Variants in TOP3B observed in about 807,000 individuals in gnomAD.
The protein encoded by TOP3B is DNA topoisomerase III beta.
A neutral mutation model predicts 93.9 loss-of-function variants in TOP3B; 45 were observed. The ratio of observed to expected loss-of-function variants is 0.48; its 90% CI spans 0.38 to 0.61. The LOEUF is 0.61. Ranked by LOEUF, TOP3B falls within the 20% of genes least tolerant of loss-of-function variation. The pLI is 0.00. For missense variants in TOP3B, 750 were observed against 1,156.1 expected, an observed-to-expected ratio of 0.65 and a Z score of 5.09; for synonymous variants, 357 against 472.6, an observed-to-expected ratio of 0.76 and a Z score of 3.17.
At chr22:21,966,351 T>C (rs933080694) in intron 8 of TOP3B, 2 of 152,144 alleles carry the variant, frequency 1.3e-5, no homozygotes, top group Non-Finnish European at 2.9e-5. Flanking sequence ...TCAGAAGGGC[T>C]GCAGATGGAA....
chr22:21,975,647 GA>G lies in TOP3B; in HGVS notation c.62del (p.Leu21ProfsTer12). On this transcript the variant is annotated frameshift_variant, in exon 2 of 18. Transcript: ENST00000357179. LOFTEE classifies it high-confidence loss of function. ...PSLAQSIAKILSRGSLSSHKG... is the reference protein window; with the variant it reads ...PSLAQSIAKIXSRGSLSSHKG... ...AGGGCTGGTCTCTCCTACCTCTAGA[GA>G]GGATTTTGGCAATTGACTGTGCCAA... 1.2e-6 allele frequency: 2 copies of G among 1,611,574 alleles called. No homozygotes were observed. Among genetic ancestry groups the G allele is most frequent in the Non-Finnish European group, 1.7e-6 (2 of 1,178,258 alleles).
intron 14 of TOP3B, 159 bp from the exon 15 acceptor site, chr22:21,959,895 G>A: frequency 9.8e-7 from 1 of 1,019,374 alleles, no homozygotes; most frequent in Non-Finnish European, 1.4e-6. Context: ...GATGGTACCA[G>A]GCTGGCTCTT....
At position 21,960,476 on chromosome 22, in the gene TOP3B, C is replaced by T. The variant is rs770428131; in HGVS notation, c.1526-27G>A. ...TGCAATGTACAAGGCCCCAGGGTTC[C>T]TGGCCTGCCTTGGACATGCCCCACT... On this transcript the variant is annotated intron_variant, in intron 13 of 17. Coordinates refer to ENST00000357179, the MANE Select transcript of TOP3B (RefSeq NM_001282112.2). 5.0e-6 allele frequency: 8 copies of T among 1,612,176 alleles called. No homozygotes were observed. The South Asian group carries it at 7.7e-5, about 15-fold the overall frequency.
At position 21,960,416 on chromosome 22, in the gene TOP3B, T is replaced by A. The variant is rs1409920905; in HGVS notation, c.1559A>T (p.Asn520Ile). Residue 520 changes from asparagine to isoleucine, a missense_variant, in exon 14 of 18, where the codon AAC becomes ATC. Around this residue, in one of 4 missense-constraint regions of TOP3B, gnomAD observed 737 missense variants for 933.7 expected, o/e 0.79. Coordinates refer to ENST00000357179, the MANE Select transcript of TOP3B (RefSeq NM_001282112.2). ...TDASIPVHIN[N>I]ICQRNYVTVE... ...CGTGACATAGTTGCGCTGGCAGATG[T>A]TGTTGATATGCACAGGGATGCTGGC... 4 of 1,613,678 alleles carry A rather than the reference T, an allele frequency of 2.5e-6. No homozygotes were observed. Among genetic ancestry groups the A allele is most frequent in the Non-Finnish European group, 3.4e-6 (4 of 1,179,982 alleles).
chr22:21,957,905 C>T (rs778112396), intron 17 of TOP3B: 2 of 1,468,864 alleles, frequency 1.4e-6, no homozygotes, highest in South Asian at 2.4e-5. Flanking sequence ...ACCCTCATGT[C>T]ACTGGGCCAC....
intron 8 of TOP3B, chr22:21,967,185 T>C (rs188011011): frequency 5.6e-5 from 10 of 178,926 alleles, no homozygotes; most frequent in Non-Finnish European, 1.1e-4. Context: ...CTGATTGCAA[T>C]TGGAATCTCA....
Position 21,965,353 on chromosome 22 carries a change from T to C in TOP3B, c.875A>G (p.Glu292Gly). 1 of 1,606,396 alleles carries C rather than the reference T, an allele frequency of 6.2e-7. No individual in the cohort carries two copies. The highest frequency in any genetic ancestry group is 1.3e-5 in the African/African-American group (1 of 74,696). Residue 292 changes from glutamate to glycine, a missense_variant, in exon 9 of 18, where the codon GAA becomes GGA. Glu to Gly is a moderately conservative substitution (Grantham distance 98, BLOSUM62 -2). Around this residue, in one of 4 missense-constraint regions of TOP3B, gnomAD observed 737 missense variants for 933.7 expected, o/e 0.79. Coordinates refer to ENST00000357179, the MANE Select transcript of TOP3B (RefSeq NM_001282112.2). ...GGCCAGGGGCCTCTGCTTGGCCTTT[T>C]CTTTCCTGCTTGTGGCCTCCACCTG... ...EAQVEATSRK[E>G]KAKQRPLALN...
At chr22:21,975,551 C>T (rs1332350249) in intron 2 of TOP3B, 89 bp downstream of exon 2, 3 of 1,416,160 alleles carry the variant, frequency 2.1e-6, no homozygotes, top group Non-Finnish European at 2.8e-6. Flanking sequence ...AAATCTACCC[C>T]AGCCAGGGTG....
At chr22:21,959,360 C>T (rs565548020) in intron 15 of TOP3B, 128 bp from the exon 16 acceptor site, 38 of 1,508,906 alleles carry the variant, frequency 2.5e-5, no homozygotes, top group African/African-American at 9.6e-5. Context: ...CCTGGCAGCA[C>T]GGCAGGGCAG....
chr22:21,958,047 G>T, intron 17 of TOP3B: 1 of 1,303,984 alleles, frequency 7.7e-7, no homozygotes, highest in Non-Finnish European at 1.0e-6. Flanking sequence ...GTGGGCAGAT[G>T]CCTCACTCCC....
Position 21,974,343 on chromosome 22 carries a change from G to A in TOP3B, c.202+14C>T. The A allele has an allele frequency of 1.9e-6, 3 of 1,612,202 alleles. No homozygotes were observed. The highest frequency in any genetic ancestry group is 2.7e-5 in the African/African-American group (2 of 75,054). Reference sequence around the variant, plus strand: ...AGAACTCCCTTCAGTAGGATGGAGGGTAGAGGGGCTTACCCAGGAAATCCA... The same window carrying A: ...AGAACTCCCTTCAGTAGGATGGAGGATAGAGGGGCTTACCCAGGAAATCCA... On this transcript the variant is annotated intron_variant, in intron 3 of 17. Coordinates refer to ENST00000357179, the MANE Select transcript of TOP3B (RefSeq NM_001282112.2).
chr22:21,964,660 G>A (rs1299575013), intron 9 of TOP3B: 11 of 341,572 alleles, frequency 3.2e-5, no homozygotes, highest in African/African-American at 1.7e-4. Context: ...ATTGTCCATG[G>A]AGCCATAACC....
In TOP3B at chr22:21,975,683, T is replaced by TA. The variant is rs1332779724; in HGVS notation, c.26_27insT (p.Glu9AspfsTer15). The TA allele has an allele frequency of 6.2e-7, 1 of 1,612,370 alleles. No individual in the cohort carries two copies. Among genetic ancestry groups the TA allele is most frequent in the South Asian group, 1.1e-5 (1 of 90,988 alleles). ...CAATTGACTGTGCCAAGGACGGCTT[T>TA]TCAGCAACCATGAGCACAGTCTTCA... is the stretch of plus-strand genomic sequence containing the variant. On this transcript the variant is annotated frameshift_variant, in exon 2 of 18. Transcript: ENST00000357179. LOFTEE classifies it high-confidence loss of function.
At chr22:21,975,440 C>A in intron 2 of TOP3B, 200 bp downstream of exon 2, 5 of 525,062 alleles carry the variant, frequency 9.5e-6, no homozygotes, top group South Asian at 3.4e-5. Context: ...GTGCCTTGTG[C>A]CTTATGGGAA....
In TOP3B at chr22:21,971,860, G is replaced by A; in HGVS notation, c.384+17C>T. Reference sequence around the variant, plus strand: ...AGAAAGGCCAAAAGTGAGGAACAAAGTGAGCCTCACACTCACCTCAAAGCA... The same window carrying A: ...AGAAAGGCCAAAAGTGAGGAACAAAATGAGCCTCACACTCACCTCAAAGCA... On this transcript the variant is annotated intron_variant, in intron 5 of 17. Coordinates refer to ENST00000357179, the MANE Select transcript of TOP3B (RefSeq NM_001282112.2). This position sits in a 1 kb window ranked among gnomAD's most constrained non-coding sequence, Gnocchi z 4.6. 1 of 1,613,468 alleles carries A rather than the reference G, an allele frequency of 6.2e-7. No homozygotes were observed. The highest frequency in any genetic ancestry group is 8.5e-7 in the Non-Finnish European group (1 of 1,179,426).
At chr22:21,980,946 G>A (rs1351241186) in intron 1 of TOP3B, among the ~76,000 whole-genome samples, 1 of 152,182 alleles carries the variant, frequency 6.6e-6, no homozygotes, top group Non-Finnish European at 1.5e-5. Flanking sequence ...TCTGCTCTCC[G>A]TTCTGGGGAA....
Position 21,971,833 on chromosome 22 carries a change from T to A in TOP3B, c.384+44A>T. On this transcript the variant is annotated intron_variant, in intron 5 of 17. Transcript: ENST00000357179. The surrounding 1 kb of genome is among the most constrained non-coding windows in gnomAD (Gnocchi z 4.6). ...TGCTGGTGTCAGTTTGGGGCTGGTG[T>A]CAGAAAGGCCAAAAGTGAGGAACAA... 6.3e-7 allele frequency: 1 copy of A among 1,595,832 alleles called. No individual in the cohort carries two copies. The highest frequency in any genetic ancestry group is 8.6e-7 in the Non-Finnish European group (1 of 1,163,586).
chr22:21,978,582 G>A (rs2084545556), intron 1 of TOP3B, among the ~76,000 whole-genome samples: 3 of 152,124 alleles, frequency 2.0e-5, no homozygotes, highest in Admixed American at 2.0e-4. Context: ...TGGGGGTCGG[G>A]AGATGAGGAG....
chr22:21,967,559 C>G, intron 8 of TOP3B, 44 bp downstream of exon 8: 1 of 1,548,476 alleles, frequency 6.5e-7, no homozygotes, highest in Admixed American at 1.7e-5. Context: ...AAGGGCCACC[C>G]TCACCCAAGG....
Sources: allele counts gnomAD v4.1 joint callset (sites outside exome capture counted in the v4.1 genomes callset), GRCh38; gene constraint gnomAD v4.1.1; regional missense constraint gnomAD v4.1.1; non-coding constraint Gnocchi (gnomAD v3.1); transcripts MANE v1.5; gene names NCBI Gene and HGNC (gene_info 2026-07-23, HGNC 2026-07-21).